Variants in NRP1 observed in about 807,000 individuals in gnomAD.
NRP1 encodes neuropilin-1.
A neutral mutation model predicts 106.7 loss-of-function variants in NRP1; 35 were observed. That is an observed-to-expected ratio of 0.33 (90% CI 0.25 to 0.43). The LOEUF is 0.43. Ranked by LOEUF, NRP1 falls within the 20% of genes least tolerant of loss-of-function variation. The pLI, the probability that NRP1 is intolerant of heterozygous loss-of-function variation, is 1.00. For missense variants in NRP1, 1,024 were observed against 1,170.4 expected (o/e 0.87, Z 1.83); for synonymous variants, 437 against 417.9 (o/e 1.05, Z -0.56).
At chr10:33,324,542 CA>C (rs1847751146) in intron 2 of NRP1, among the ~76,000 whole-genome samples, 1 of 152,156 alleles carries the variant, frequency 6.6e-6, no homozygotes, top group African/African-American at 2.4e-5. Context: ...TTAGAAAATG[CA>C]TCAGTAGGAT....
intron 6 of NRP1, among the ~76,000 whole-genome samples, chr10:33,251,422 C>G (rs573410182): frequency 6.6e-6 from 1 of 152,020 alleles, no homozygotes; most frequent in Admixed American, 6.5e-5. Context: ...TTGGGGCAGG[C>G]AACATTTCAG....
intron 6 of NRP1, among the ~76,000 whole-genome samples, chr10:33,234,763 A>G (rs1840429147): frequency 6.6e-6 from 1 of 152,236 alleles, no homozygotes; most frequent in African/African-American, 2.4e-5. Flanking sequence ...AGTTAAATTA[A>G]AGGAGAGCAT....
At position 33,202,966 on chromosome 10, in the gene NRP1, C is replaced by G. The variant is rs141633354; in HGVS notation, c.1789G>C (p.Gly597Arg). 3 of 1,613,930 alleles carry G rather than the reference C, an allele frequency of 1.9e-6. No individual in the cohort carries two copies. The highest frequency in any genetic ancestry group is 1.7e-6 in the Non-Finnish European group (2 of 1,179,960). The change falls in exon 11 of 17, where the codon GGG becomes CGG. Residue 597 changes from glycine to arginine, a missense_variant. Physicochemically the swap from Gly to Arg is moderately radical, Grantham distance 125. Coordinates refer to ENST00000374867, the MANE Select transcript of NRP1 (RefSeq NM_003873.7). ...TCATCACATTCATCCACCAAGTTCC[C>G]GTTGGGAGTGGTCGGTCCAGCTGTA... The part of the protein sequence containing the change: ...APTAGPTTPN[G>R]NLVDECDDDQ...
At position 33,200,343 on chromosome 10, in the gene NRP1, C is replaced by G. The variant is rs11009282; in HGVS notation, c.1864+2548G>C. 1.6e-4 allele frequency among the ~76,000 whole-genome samples: 25 copies of G among 152,266 alleles called. No individual in the cohort carries two copies. The East Asian group carries it at 3.3e-3, about 20-fold the overall frequency. On this transcript the variant is annotated intron_variant, in intron 11 of 16. Coordinates refer to ENST00000374867, the MANE Select transcript of NRP1 (RefSeq NM_003873.7). Reference sequence around the variant, plus strand: ...AAAGGCATTTGCAAATGAGTAATTTCAGGGAAGCATTTTCACCTTGGCTAG... The same window carrying G: ...AAAGGCATTTGCAAATGAGTAATTTGAGGGAAGCATTTTCACCTTGGCTAG...
chr10:33,281,906 T>C (rs1407905810), intron 2 of NRP1, among the ~76,000 whole-genome samples: 3 of 152,160 alleles, frequency 2.0e-5, no homozygotes, highest in African/African-American at 4.8e-5. Context: ...AAACAGGCTA[T>C]AGTGTAGGTA....
chr10:33,228,043 T>C (rs546659787), intron 6 of NRP1, among the ~76,000 whole-genome samples: 1 of 152,296 alleles, frequency 6.6e-6, no homozygotes, highest in East Asian at 1.9e-4. Context: ...TACTAGTTTG[T>C]ATATAATAGT....
At chr10:33,188,213 T>C (rs955777480) in intron 13 of NRP1, among the ~76,000 whole-genome samples, 4 of 152,084 alleles carry the variant, frequency 2.6e-5, no homozygotes, top group African/African-American at 9.7e-5. Flanking sequence ...AAGACTGAAA[T>C]TGGCAATGCT....
At position 33,207,681 on chromosome 10, in the gene NRP1, C is replaced by T. The variant is rs1336044236; in HGVS notation, c.1650G>A (p.Glu550=). The T allele has an allele frequency of 6.2e-7, 1 of 1,614,010 alleles. No individual in the cohort carries two copies. Among genetic ancestry groups the T allele is most frequent in the Non-Finnish European group, 8.5e-7 (1 of 1,180,002 alleles). The change falls in exon 10 of 17, where the codon GAG becomes GAA. Residue 550 remains glutamate (E), a synonymous_variant. Transcript: ENST00000374867. ...FEGNNNYDTP[E]LRTFPALSTR... ...TGGAGAGAGCTGGAAAAGTCCGCAG[C>T]TCAGGTGTATCATAGTTGTTGTTGC...
Position 33,259,132 on chromosome 10 carries a change from G to T in NRP1, c.659-2661C>A, listed in dbSNP as rs189086550. Among the ~76,000 whole-genome samples, 9 of 152,284 alleles carry T rather than the reference G, an allele frequency of 5.9e-5. No homozygotes were observed. In the East Asian group the frequency reaches 1.7e-3, roughly 29 times the overall value. Reference sequence around the variant, plus strand: ...CACTATCACCCAATTCCTTTGGGGAGGGCGGAAGGGGAATCTCTTTGAAAG... The same window carrying T: ...CACTATCACCCAATTCCTTTGGGGATGGCGGAAGGGGAATCTCTTTGAAAG... On this transcript the variant is annotated intron_variant, in intron 4 of 16. Coordinates refer to ENST00000374867, the MANE Select transcript of NRP1 (RefSeq NM_003873.7).
At chr10:33,310,826 G>C (rs1000368703) in intron 2 of NRP1, among the ~76,000 whole-genome samples, 2 of 152,150 alleles carry the variant, frequency 1.3e-5, no homozygotes, top group Admixed American at 6.5e-5. Flanking sequence ...ACATTTATTG[G>C]ATAATTATTA....
rs543801033 is a variant in NRP1, at chr10:33,202,569, G to C, written c.1864+322C>G. 73 of 1,405,532 alleles carry C rather than the reference G, an allele frequency of 5.2e-5. 1 individual carries two copies. The highest frequency in any genetic ancestry group is 4.9e-4 in the South Asian group (32 of 65,886). The allele number at this position is 1,405,532 out of a possible 1,614,324, so 87.1% of individuals were successfully genotyped here. A position where few individuals can be genotyped will look rare whatever the true frequency, so the allele number is the denominator to read the frequency against. ...CGTAGGGGTGGTGCACGTGTTATTG[G>C]GGGGGGGTCTGAAAATAATGAAAAT... On this transcript the variant is annotated intron_variant, in intron 11 of 16. Transcript: ENST00000374867.
At chr10:33,229,353 TG>T (rs1839924513) in intron 6 of NRP1, among the ~76,000 whole-genome samples, 1 of 152,224 alleles carries the variant, frequency 6.6e-6, no homozygotes, top group Admixed American at 6.5e-5. Flanking sequence ...CAATGTTAAC[TG>T]TTTTCAAATG....
At position 33,221,737 on chromosome 10, in the gene NRP1, A is replaced by G; in HGVS notation, c.1264T>C (p.Tyr422His). 3 of 1,614,034 alleles carry G rather than the reference A, an allele frequency of 1.9e-6. No homozygotes were observed. Among genetic ancestry groups the G allele is most frequent in the Non-Finnish European group, 2.5e-6 (3 of 1,179,898 alleles). The change falls in exon 8 of 17, where the codon TAC (tyrosine) becomes CAC (histidine). Residue 422 changes from tyrosine to histidine, a missense_variant. Coordinates refer to ENST00000374867, the MANE Select transcript of NRP1 (RefSeq NM_003873.7). ...ETGISMRFEV[Y>H]GCKITDYPCS... ...AGCTTACCTGTTATCTTGCAACCGTATACTTCAAATCTCATAGATATGCCA... is the reference window on the plus strand; with the variant it reads ...AGCTTACCTGTTATCTTGCAACCGTGTACTTCAAATCTCATAGATATGCCA...
chr10:33,252,662 C>T (rs1841949249), intron 6 of NRP1, among the ~76,000 whole-genome samples: 1 of 152,090 alleles, frequency 6.6e-6, no homozygotes, highest in African/African-American at 2.4e-5. Context: ...CCGAGAGGCA[C>T]ATCTGTCAAT....
chr10:33,190,639 TTAA>T (rs1183579364), intron 13 of NRP1, among the ~76,000 whole-genome samples: 1 of 152,096 alleles, frequency 6.6e-6, no homozygotes, highest in African/African-American at 2.4e-5. Flanking sequence ...TGGGGAGAAT[TTAA>T]TGAGATTTCC....
At position 33,213,487 on chromosome 10, in the gene NRP1, G is replaced by T. The variant is rs764845863; in HGVS notation, c.1513C>A (p.His505Asn). Residue 505 changes from histidine (H) to asparagine (N), a missense_variant, in exon 9 of 17, where the codon CAC (histidine) becomes AAC (asparagine). Around this residue, in one of 5 missense-constraint regions of NRP1, gnomAD observed 562 missense variants for 620.3 expected, o/e 0.91. Coordinates refer to ENST00000374867, the MANE Select transcript of NRP1 (RefSeq NM_003873.7). ...VRGIIIQGGK[H>N]RENKVFMRKF... ...CTCATGAACACCTTGTTCTCTCGGTGCTTCCCACCCTGAATGATGATGCCC... is the reference window on the plus strand; with the variant it reads ...CTCATGAACACCTTGTTCTCTCGGTTCTTCCCACCCTGAATGATGATGCCC... 2 of 1,614,016 alleles carry T rather than the reference G, an allele frequency of 1.2e-6. No individual in the cohort carries two copies. Among genetic ancestry groups the T allele is most frequent in the Non-Finnish European group, 1.7e-6 (2 of 1,180,016 alleles).
chr10:33,319,955 A>G (rs1479079841), intron 2 of NRP1, among the ~76,000 whole-genome samples: 2 of 151,686 alleles, frequency 1.3e-5, no homozygotes, highest in Non-Finnish European at 2.9e-5. Flanking sequence ...TTGGTCAGCT[A>G]GACCGCGAAC....
chr10:33,245,671 C>A (rs545503257), intron 6 of NRP1, among the ~76,000 whole-genome samples: 18 of 152,310 alleles, frequency 1.2e-4, no homozygotes, highest in Admixed American at 1.2e-3. Flanking sequence ...AGTCCAGGTT[C>A]TGTCATTAAC....
chr10:33,188,682 G>C (rs138753291), intron 13 of NRP1, among the ~76,000 whole-genome samples: 2,260 of 151,880 alleles, frequency 0.015, 20 homozygotes, highest in Non-Finnish European at 0.019. Context: ...TCCGAGACCA[G>C]CCTGGCCAAC....
Sources: allele counts gnomAD v4.1 joint callset (sites outside exome capture counted in the v4.1 genomes callset), GRCh38; gene constraint gnomAD v4.1.1; regional missense constraint gnomAD v4.1.1; transcripts MANE v1.5; gene names NCBI Gene and HGNC (gene_info 2026-07-23, HGNC 2026-07-21).